Variants in CNOT2 observed in about 807,000 individuals in gnomAD.
CNOT2 encodes CC chemokine receptor 4-negative regulator of transcription 2.
In CNOT2, 7 loss-of-function variants were observed where a neutral mutation model predicts 72.1. That is an observed-to-expected ratio of 0.10 (90% CI 0.06 to 0.18). The LOEUF (loss-of-function observed/expected upper bound fraction) is 0.18, where lower values mean the gene tolerates loss of function less well. Among genes scored for constraint, CNOT2 ranks in the 10% least tolerant of loss-of-function variants. The pLI is 1.00. For missense variants in CNOT2, 345 were observed against 660.3 expected (o/e 0.52, Z 5.23); for synonymous variants, 196 against 225.6 (o/e 0.87, Z 1.17).
chr12:70,335,317 C>T (rs1282555071), intron 7 of CNOT2, 121 bp from the exon 8 acceptor site: 2 of 698,108 alleles, frequency 2.9e-6, no homozygotes, highest in Non-Finnish European at 5.0e-6. Context: ...ACACCTAGTA[C>T]AGTGCCGTGC....
At chr12:70,266,090 G>A (rs963936476) in intron 1 of CNOT2, among the ~76,000 whole-genome samples, 16 of 149,988 alleles carry the variant, frequency 1.1e-4, no homozygotes, top group Non-Finnish European at 1.8e-4. Context: ...ATCTACTGTC[G>A]TTGATGTTGT....
At chr12:70,273,069 C>T (rs1237961300) in intron 1 of CNOT2, among the ~76,000 whole-genome samples, 1 of 152,124 alleles carries the variant, frequency 6.6e-6, no homozygotes, top group Non-Finnish European at 1.5e-5. Context: ...GCATTTCCCT[C>T]TGTGCCATAA....
intron 2 of CNOT2, among the ~76,000 whole-genome samples, chr12:70,284,207 A>G (rs996197802): frequency 3.3e-5 from 5 of 150,448 alleles, no homozygotes; most frequent in Admixed American, 1.3e-4. Context: ...CGACCTCCCA[A>G]TGTGCTGGGA....
intron 2 of CNOT2, among the ~76,000 whole-genome samples, chr12:70,298,534 C>T (rs184893535): frequency 7.2e-5 from 11 of 152,168 alleles, no homozygotes; most frequent in African/African-American, 1.2e-4. Context: ...TACTTTCTAG[C>T]GTTATCTTGA....
chr12:70,294,275 T>C (rs749613731), intron 2 of CNOT2: 1 of 1,289,322 alleles, frequency 7.8e-7, no homozygotes, highest in South Asian at 1.2e-5. Flanking sequence ...GAGTAGCAAA[T>C]GTTGAAAGAA....
intron 2 of CNOT2, among the ~76,000 whole-genome samples, chr12:70,306,949 A>G (rs1875520499): frequency 1.3e-5 from 2 of 152,238 alleles, no homozygotes; most frequent in East Asian, 1.9e-4. Flanking sequence ...CAGTTGTAAC[A>G]CATTGGTATT....
At chr12:70,263,701 T>C (rs1958887035) in intron 1 of CNOT2, among the ~76,000 whole-genome samples, 1 of 152,270 alleles carries the variant, frequency 6.6e-6, no homozygotes, top group Non-Finnish European at 1.5e-5. Flanking sequence ...CAGGCAGTTT[T>C]CGTTGACTGC....
chr12:70,272,157 A>G (rs1025577973), intron 1 of CNOT2, among the ~76,000 whole-genome samples: 1 of 152,208 alleles, frequency 6.6e-6, no homozygotes, highest in Admixed American at 6.5e-5. Flanking sequence ...AGGATTTAGT[A>G]TATTTCTTGT....
chr12:70,278,445 A>G (rs1869236097), intron 2 of CNOT2, 171 bp downstream of exon 2: 1 of 493,844 alleles, frequency 2.0e-6, no homozygotes, highest in Non-Finnish European at 3.6e-6. Flanking sequence ...AGTTGGGAAC[A>G]CTTTTCAAAA....
At chr12:70,296,541 A>G (rs1426628755) in intron 2 of CNOT2, among the ~76,000 whole-genome samples, 1 of 152,078 alleles carries the variant, frequency 6.6e-6, no homozygotes, top group Admixed American at 6.5e-5. Flanking sequence ...CACTTTTCTT[A>G]GATCCATCCT....
intron 2 of CNOT2, among the ~76,000 whole-genome samples, chr12:70,286,351 A>G: frequency 9.0e-6 from 1 of 111,138 alleles, no homozygotes; most frequent in East Asian, 2.6e-4. Context: ...TTTGAGATAT[A>G]TTGAGATATT....
chr12:70,305,893 T>TG (rs1875264976), intron 2 of CNOT2, among the ~76,000 whole-genome samples: 1 of 149,858 alleles, frequency 6.7e-6, no homozygotes, highest in Non-Finnish European at 1.5e-5. Flanking sequence ...TTTTTTTTTT[T>TG]TGGTAAATTT....
chr12:70,341,571 C>T (rs1881514044), intron 11 of CNOT2, among the ~76,000 whole-genome samples: 1 of 152,160 alleles, frequency 6.6e-6, no homozygotes, highest in Non-Finnish European at 1.5e-5. Flanking sequence ...AATCCACCAT[C>T]CTCAACCAGA....
intron 1 of CNOT2, among the ~76,000 whole-genome samples, chr12:70,257,354 C>CCTTTTTTTTT (rs1958507396): frequency 1.6e-5 from 2 of 128,568 alleles, no homozygotes; most frequent in Admixed American, 9.4e-5. Context: ...CAACTACCCC[C>CCTTTTTTTTT]TTTTTTTTTT....
intron 6 of CNOT2, chr12:70,332,524 A>C: frequency 2.3e-6 from 1 of 438,326 alleles, no homozygotes; most frequent in East Asian, 5.7e-5. Context: ...TTCATATATA[A>C]ATTTTTGAGT....
intron 1 of CNOT2, among the ~76,000 whole-genome samples, chr12:70,274,375 A>T (rs925083163): frequency 7.9e-5 from 12 of 152,090 alleles, no homozygotes; most frequent in Non-Finnish European, 1.8e-4. Context: ...GAAATCGGTC[A>T]CATCTTGTAG....
intron 8 of CNOT2, 162 bp from the exon 9 acceptor site, chr12:70,337,227 T>A: frequency 1.9e-6 from 1 of 518,082 alleles, no homozygotes; most frequent in Non-Finnish European, 3.4e-6. Flanking sequence ...AAAATTTAGT[T>A]CTTCATTGTT....
chr12:70,346,083 A>AT, intron 14 of CNOT2, 97 bp from the exon 15 acceptor site: 6 of 737,390 alleles, frequency 8.1e-6, no homozygotes, highest in Non-Finnish European at 1.4e-5. Flanking sequence ...TTTTATGTGT[A>AT]ATTTTTTTTT....
intron 4 of CNOT2, among the ~76,000 whole-genome samples, chr12:70,328,135 A>G (rs1879368947): frequency 6.6e-6 from 1 of 151,928 alleles, no homozygotes; most frequent in Admixed American, 6.6e-5. Context: ...AAGTATATAC[A>G]TGGAATATAT....
Sources: gnomAD v4.1 joint callset for allele counts (sites outside exome capture counted in the v4.1 genomes callset) on GRCh38, gnomAD v4.1.1 for gene constraint, MANE v1.5 for transcripts, NCBI Gene and HGNC (gene_info 2026-07-23, HGNC 2026-07-21) for gene names.